Variants in NTM observed in about 807,000 individuals in gnomAD.
The protein encoded by NTM is neurotrimin.
In NTM, 13 loss-of-function variants were observed where a neutral mutation model predicts 42.1. The observed-to-expected ratio is 0.31, with a 90% CI of 0.20 to 0.49. The LOEUF is 0.49. Among genes scored for constraint, NTM ranks in the 20% least tolerant of loss-of-function variants. The probability of loss-of-function intolerance (pLI) is 0.99; values close to 1 mark genes in which losing one functional copy is unlikely to be tolerated. For missense variants in NTM, 373 were observed against 452.8 expected, an observed-to-expected ratio of 0.82 and a Z score of 1.60; for synonymous variants, 187 against 179.2, an observed-to-expected ratio of 1.04 and a Z score of -0.35.
At chr11:131,914,925 A>G (rs2056027650) in intron 2 of NTM, among the ~76,000 whole-genome samples, 1 of 152,186 alleles carries the variant, frequency 6.6e-6, no homozygotes, top group Admixed American at 6.5e-5. Flanking sequence ...AGGAGTTACT[A>G]TTATCCCTAT....
intron 2 of NTM, among the ~76,000 whole-genome samples, chr11:131,935,854 G>A (rs917814945): frequency 2.0e-5 from 3 of 152,220 alleles, no homozygotes; most frequent in Admixed American, 2.0e-4. Flanking sequence ...GAGGAAGACA[G>A]TGGCAAATCT....
intron 1 of NTM, 54 bp downstream of exon 1, chr11:131,370,942 C>G: frequency 6.2e-7 from 1 of 1,603,772 alleles, no homozygotes; most frequent in South Asian, 1.1e-5. Context: ...GTACAGTGTG[C>G]TTTATAAGAT....
chr11:132,002,154 T>C lies in NTM; in HGVS notation c.167+90506T>C, dbSNP rs987345350. ...CTGAAGAGGGTGGAGGCTCTTCAAATGTCCGATTAAAGGTATTGGACTTTT... is the reference window on the plus strand; with the variant it reads ...CTGAAGAGGGTGGAGGCTCTTCAAACGTCCGATTAAAGGTATTGGACTTTT... On this transcript the variant is annotated intron_variant, in intron 2 of 8. Transcript: ENST00000683400. The surrounding 1 kb of genome is among the most constrained non-coding windows in gnomAD (Gnocchi z 4.5). Among the ~76,000 whole-genome samples the C allele has an allele frequency of 1.6e-4, 25 of 152,328 alleles. No homozygotes were observed. The highest frequency in any genetic ancestry group is 3.4e-3 in the Middle Eastern group (1 of 294).
intron 1 of NTM, among the ~76,000 whole-genome samples, chr11:131,561,935 C>T (rs773520571): frequency 1.8e-4 from 28 of 152,180 alleles, no homozygotes; most frequent in Non-Finnish European, 4.4e-5. Flanking sequence ...TCACAATGTC[C>T]TATTTAAAGA....
At chr11:131,688,180 C>T (rs1278815959) in intron 1 of NTM, among the ~76,000 whole-genome samples, 2 of 152,156 alleles carry the variant, frequency 1.3e-5, no homozygotes, top group Non-Finnish European at 2.9e-5. Context: ...AGGGCACCCG[C>T]GCCCCCCGAG....
At chr11:132,006,170 G>A (rs1044869404) in intron 2 of NTM, among the ~76,000 whole-genome samples, 13 of 152,154 alleles carry the variant, frequency 8.5e-5, no homozygotes, top group African/African-American at 3.1e-4. Context: ...ATGTGTAGGA[G>A]TTGACAGAAA....
intron 2 of NTM, among the ~76,000 whole-genome samples, chr11:131,982,914 AT>A (rs1438360048): frequency 6.6e-6 from 1 of 152,146 alleles, no homozygotes; most frequent in Non-Finnish European, 1.5e-5. Flanking sequence ...ATGGCTTATG[AT>A]TTTCATTTAC....
At chr11:132,222,281 A>G (rs2085328631) in intron 4 of NTM, among the ~76,000 whole-genome samples, 1 of 152,222 alleles carries the variant, frequency 6.6e-6, no homozygotes, top group East Asian at 1.9e-4. Context: ...CGTGGCGCAC[A>G]GGACGGACAC....
intron 1 of NTM, chr11:131,538,433 A>G (rs530886831): frequency 7.2e-4 from 110 of 152,348 alleles, no homozygotes; most frequent in African/African-American, 2.5e-3. Flanking sequence ...ATTCAAGTCA[A>G]GAATCCTACC....
intron 2 of NTM, among the ~76,000 whole-genome samples, chr11:131,963,200 G>C (rs1020521007): frequency 6.6e-5 from 10 of 152,256 alleles, no homozygotes; most frequent in African/African-American, 2.4e-4. Flanking sequence ...TGAGCTTCAA[G>C]TTCACACCAG....
At position 131,900,221 on chromosome 11, in the gene NTM, C is replaced by T. The variant is rs533541930; in HGVS notation, c.83-11343C>T. Among the ~76,000 whole-genome samples the T allele has an allele frequency of 5.9e-5, 9 of 152,168 alleles. No individual in the cohort carries two copies. The East Asian group carries it at 1.7e-3, about 29-fold the overall frequency. On this transcript the variant is annotated intron_variant, in intron 1 of 8. Coordinates refer to ENST00000683400, the MANE Select transcript of NTM (RefSeq NM_001352005.2). The stretch of plus-strand genomic sequence containing the variant: ...GGCAGGAAGTGGAACATGCAAAGTC[C>T]CTCAATTGAGAAAGAAGAACCTCTG...
intron 4 of NTM, among the ~76,000 whole-genome samples, chr11:132,254,420 C>A (rs540404436): frequency 6.6e-6 from 1 of 152,002 alleles, no homozygotes; most frequent in African/African-American, 2.4e-5. Context: ...GAAGGCCAGT[C>A]TCCTTTTCCC....
intron 2 of NTM, among the ~76,000 whole-genome samples, chr11:131,928,418 G>A (rs2058197297): frequency 6.6e-6 from 1 of 152,218 alleles, no homozygotes; most frequent in South Asian, 2.1e-4. Flanking sequence ...AGAGGATGCT[G>A]GAAGACGTTC....
intron 1 of NTM, among the ~76,000 whole-genome samples, chr11:131,505,106 A>ATC (rs35348788): frequency 0.4 from 60,917 of 151,306 alleles, 12,448 homozygotes; most frequent in Middle Eastern, 0.49. Flanking sequence ...GAAGTCACGA[A>ATC]TCTCTGAGTC....
intron 4 of NTM, among the ~76,000 whole-genome samples, chr11:132,270,919 C>T (rs916349202): frequency 7.9e-5 from 12 of 152,156 alleles, no homozygotes; most frequent in African/African-American, 2.9e-4. Context: ...ACATAGCTTA[C>T]ACCTTATTCA....
intron 7 of NTM, among the ~76,000 whole-genome samples, chr11:132,319,153 C>T (rs934355954): frequency 8.5e-5 from 13 of 152,158 alleles, no homozygotes; most frequent in Non-Finnish European, 1.6e-4. Flanking sequence ...CCAAGATGGC[C>T]GAATAGGAAC....
At chr11:132,067,855 T>C (rs34586222) in intron 2 of NTM, among the ~76,000 whole-genome samples, 13,517 of 152,284 alleles carry the variant, frequency 0.089, 647 homozygotes, top group South Asian at 0.19. Context: ...GCTTATTTTC[T>C]TTCTATGGAA....
At chr11:131,536,423 C>T (rs2052239620) in intron 1 of NTM, 1 of 152,056 alleles carries the variant, frequency 6.6e-6, no homozygotes, top group Non-Finnish European at 1.5e-5. Context: ...GTATGGAGCC[C>T]ACAGGTAGTA....
chr11:132,009,212 A>C (rs1235297414), intron 2 of NTM, among the ~76,000 whole-genome samples: 1 of 152,166 alleles, frequency 6.6e-6, no homozygotes, highest in Non-Finnish European at 1.5e-5. Flanking sequence ...GCTCCCCTGA[A>C]ATACGCCTGT....
Sources: allele counts gnomAD v4.1 joint callset (sites outside exome capture counted in the v4.1 genomes callset), GRCh38; gene constraint gnomAD v4.1.1; non-coding constraint Gnocchi (gnomAD v3.1); transcripts MANE v1.5; gene names NCBI Gene and HGNC (gene_info 2026-07-23, HGNC 2026-07-21).